Variants in ILDR1 observed in about 807,000 individuals in gnomAD.
The protein encoded by ILDR1 is immunoglobulin like domain containing receptor 1.
A neutral mutation model predicts 62.4 loss-of-function variants in ILDR1; 56 were observed. The observed-to-expected ratio is 0.90, with a 90% CI of 0.72 to 1.12. ILDR1 has a LOEUF of 1.12. Ranked by LOEUF, ILDR1 falls within the 50% of genes most tolerant of loss-of-function variation. The probability of loss-of-function intolerance (pLI) is 0.00; values close to 1 mark genes in which losing one functional copy is unlikely to be tolerated. For missense variants in ILDR1, 736 were observed against 710.6 expected, an observed-to-expected ratio of 1.04 and a Z score of -0.41; for synonymous variants, 284 against 277.8, an observed-to-expected ratio of 1.02 and a Z score of -0.22.
At chr3:122,005,539 G>A (rs913295222) in intron 2 of ILDR1, 146 bp from the exon 3 acceptor site, 21 of 792,634 alleles carry the variant, frequency 2.6e-5, no homozygotes, top group Non-Finnish European at 3.9e-5. Context: ...TGTTAATCAC[G>A]AAGATCCTGA....
the ILDR1 span, among the ~76,000 whole-genome samples, chr3:122,032,894 G>C: frequency 2.6e-5 from 4 of 152,330 alleles, no homozygotes; most frequent in African/African-American, 4.8e-5. Flanking sequence ...ATGCCACCTT[G>C]ACTTCTAACT....
In ILDR1 at chr3:122,022,003, A is replaced by G. The variant is rs112991162; in HGVS notation, c.58+17T>C. The G allele has an allele frequency of 1.8e-3, 2,952 of 1,607,444 alleles. 7 individuals carry two copies. Among genetic ancestry groups the G allele is most frequent in the Non-Finnish European group, 2.3e-3 (2,655 of 1,176,824 alleles). ...TCTCCTTGGGTCCAGGGTGGGTACC[A>G]TTTTTCCAAGGCTCACCTGCTGGGA... On this transcript the variant is annotated intron_variant, in intron 1 of 7. Transcript: ENST00000344209.
chr3:122,007,281 C>A, intron 1 of ILDR1, 120 bp from the exon 2 acceptor site: 1 of 1,553,848 alleles, frequency 6.4e-7, no homozygotes, highest in Non-Finnish European at 8.7e-7. Flanking sequence ...TAGGAGCTCA[C>A]AGACAGAGTC....
At chr3:122,042,856 T>G in the ILDR1 span, among the ~76,000 whole-genome samples, 5 of 152,142 alleles carry the variant, frequency 3.3e-5, no homozygotes, top group African/African-American at 1.2e-4. Context: ...TTTTTCCCAT[T>G]TTGTAGGTTG....
At position 121,988,193 on chromosome 3, in the gene ILDR1, A is replaced by G; in HGVS notation, c.*174T>C. The G allele has an allele frequency of 2.9e-6, 2 of 685,426 alleles. No individual in the cohort carries two copies. Among genetic ancestry groups the G allele is most frequent in the Non-Finnish European group, 5.4e-6 (2 of 371,668 alleles). The allele number at this position is 685,426 out of a possible 1,614,324, so 42.5% of individuals were successfully genotyped here. A position where few individuals can be genotyped will look rare whatever the true frequency, so the allele number is the denominator to read the frequency against. ...AGTGCTGTGATTACAGGTGTGAGCC[A>G]CTATACCCAATCTCAAACTCTTGTA... On this transcript the variant is annotated 3_prime_UTR_variant, in exon 8 of 8. Transcript: ENST00000344209.
chr3:122,022,053 G>A lies in ILDR1; in HGVS notation c.25C>T (p.Pro9Ser), dbSNP rs1217446345. Residue 9 changes from proline (P) to serine (S), a missense_variant, in exon 1 of 8, where the codon CCT becomes TCT. Coordinates refer to ENST00000344209, the MANE Select transcript of ILDR1 (RefSeq NM_001199799.2). ...AGCCAGGTGCAGAGCAGCAGCCAAG[G>A]TGCGGGCAGTTTGGGCCATGCCATG... Reference protein sequence around the residue: MAWPKLPAPWLLLCTWLPA... With the variant: MAWPKLPASWLLLCTWLPA... 4 of 1,611,388 alleles carry A rather than the reference G, an allele frequency of 2.5e-6. No individual in the cohort carries two copies. The highest frequency in any genetic ancestry group is 3.4e-6 in the Non-Finnish European group (4 of 1,178,896).
chr3:122,047,846 G>A, the ILDR1 span, among the ~76,000 whole-genome samples: 14 of 152,324 alleles, frequency 9.2e-5, no homozygotes, highest in South Asian at 2.1e-4. Flanking sequence ...CCGGTACCTC[G>A]GATGGAAATG....
chr3:122,040,360 G>A, the ILDR1 span, among the ~76,000 whole-genome samples: 1 of 151,900 alleles, frequency 6.6e-6, no homozygotes. Context: ...ATTCAAAGGG[G>A]TTGGAAGAAG....
intron 5 of ILDR1, among the ~76,000 whole-genome samples, chr3:121,997,496 G>A (rs187653153): frequency 8.0e-4 from 122 of 152,188 alleles, no homozygotes; most frequent in Admixed American, 3.9e-4. Context: ...CACCTCTTAG[G>A]TCTTCCCCTG....
At chr3:122,040,416 C>A in the ILDR1 span, among the ~76,000 whole-genome samples, 1 of 151,580 alleles carries the variant, frequency 6.6e-6, no homozygotes, top group Non-Finnish European at 1.5e-5. Context: ...TATAAAATAT[C>A]TGAATTTAAA....
chr3:122,046,277 C>T, the ILDR1 span, among the ~76,000 whole-genome samples: 3 of 149,880 alleles, frequency 2.0e-5, no homozygotes, highest in Non-Finnish European at 3.0e-5. Context: ...AGGGTTTCTG[C>T]CGAGAGATCC....
At chr3:122,048,130 C>T in the ILDR1 span, among the ~76,000 whole-genome samples, 3 of 152,214 alleles carry the variant, frequency 2.0e-5, no homozygotes, top group South Asian at 2.1e-4. Flanking sequence ...TCCTTCTTTC[C>T]TTCTATTCCT....
chr3:121,993,859 T>G lies in ILDR1; in HGVS notation c.890A>C (p.Asn297Thr), dbSNP rs774189712. 6.2e-7 allele frequency: 1 copy of G among 1,613,942 alleles called. No individual in the cohort carries two copies. Among genetic ancestry groups the G allele is most frequent in the East Asian group, 2.2e-5 (1 of 44,868 alleles). The change falls in exon 7 of 8, where the codon AAC (asparagine) becomes ACC (threonine). Residue 297 changes from asparagine to threonine, a missense_variant. Coordinates refer to ENST00000344209, the MANE Select transcript of ILDR1 (RefSeq NM_001199799.2). ...GTCAGGGGGCAGAGGCTGGGCCAGG[T>G]TGAGGTTCCGCAGTTCTTTCTCCAA... ...EYLEKELRNLNLAQPLPPDLK... is the reference protein window; with the variant it reads ...EYLEKELRNLTLAQPLPPDLK...
At chr3:122,015,130 T>G (rs549598664) in intron 1 of ILDR1, among the ~76,000 whole-genome samples, 46 of 152,342 alleles carry the variant, frequency 3.0e-4, no homozygotes, top group African/African-American at 1.1e-3. Flanking sequence ...TGGATGAGTT[T>G]TAAAGCATTG....
At chr3:122,031,565 C>T in the ILDR1 span, among the ~76,000 whole-genome samples, 1 of 152,096 alleles carries the variant, frequency 6.6e-6, no homozygotes, top group Non-Finnish European at 1.5e-5. Context: ...GAGATGGGAT[C>T]TTTGGGAAGT....
At chr3:122,044,750 G>C in the ILDR1 span, among the ~76,000 whole-genome samples, 2 of 151,972 alleles carry the variant, frequency 1.3e-5, no homozygotes, top group Non-Finnish European at 2.9e-5. Context: ...ATTTCTGTGG[G>C]ATTGGTGGTG....
chr3:121,995,904 G>A lies in ILDR1; in HGVS notation c.647-1591C>T, dbSNP rs544208339. On this transcript the variant is annotated intron_variant, in intron 5 of 7. Coordinates refer to ENST00000344209, the MANE Select transcript of ILDR1 (RefSeq NM_001199799.2). ...TACAGCTAGCGACTGGCAGAGCCAGGGTGTGAACCTGTGTGACGCTCAAGC... is the reference window on the plus strand; with the variant it reads ...TACAGCTAGCGACTGGCAGAGCCAGAGTGTGAACCTGTGTGACGCTCAAGC... Among the ~76,000 whole-genome samples the A allele has an allele frequency of 1.8e-4, 28 of 152,306 alleles. No individual in the cohort carries two copies. The South Asian group carries it at 5.8e-3, about 32-fold the overall frequency.
chr3:121,988,363 G>C lies in ILDR1; in HGVS notation c.*4C>G, dbSNP rs2071283531. ...AGCCACAGAAGTTGTGCTGTGCTTG[G>C]TGACTAAATGACCACACTCCTTCCA... is the stretch of plus-strand genomic sequence containing the variant. On this transcript the variant is annotated 3_prime_UTR_variant, in exon 8 of 8. Transcript: ENST00000344209. 1.2e-6 allele frequency: 2 copies of C among 1,612,828 alleles called. No homozygotes were observed. The highest frequency in any genetic ancestry group is 1.7e-6 in the Non-Finnish European group (2 of 1,178,888).
chr3:122,007,118 A>G lies in ILDR1; in HGVS notation c.102T>C (p.Tyr34=), dbSNP rs1055958630. ...GGATGATAGAGGCAAACAGGGTGAC[A>G]TAGCGTTCTGTGTGCTGGACCGTCA... ...LLVTVQHTER[Y]VTLFASIILK... Residue 34 remains tyrosine, a synonymous_variant, in exon 2 of 8, where the codon TAT becomes TAC. Coordinates refer to ENST00000344209, the MANE Select transcript of ILDR1 (RefSeq NM_001199799.2). The G allele has an allele frequency of 1.9e-6, 3 of 1,614,228 alleles. No individual in the cohort carries two copies. Among genetic ancestry groups the G allele is most frequent in the Admixed American group, 3.3e-5 (2 of 60,022 alleles).
Sources: allele counts gnomAD v4.1 joint callset (sites outside exome capture counted in the v4.1 genomes callset), GRCh38; gene constraint gnomAD v4.1.1; transcripts MANE v1.5; gene names NCBI Gene and HGNC (gene_info 2026-07-23, HGNC 2026-07-21).